Variants in KCNQ1 observed in about 807,000 individuals in gnomAD.
KCNQ1 encodes potassium voltage-gated channel subfamily KQT member 1.
KCNQ1 carries 49 observed loss-of-function variants against 72.4 expected under a neutral mutation model. The observed-to-expected ratio is 0.68, with a 90% CI of 0.54 to 0.86. The LOEUF (loss-of-function observed/expected upper bound fraction) is 0.86. KCNQ1 is among the 40% of genes least tolerant of loss of function. KCNQ1 has a pLI of 0.00. For missense variants in KCNQ1, 790 were observed against 945.1 expected (o/e 0.84, Z 2.15); for synonymous variants, 450 against 412.6 (o/e 1.09, Z -1.10).
intron 2 of KCNQ1, among the ~76,000 whole-genome samples, chr11:2,546,540 G>A (rs1221907148): frequency 6.6e-6 from 1 of 152,006 alleles, no homozygotes; most frequent in African/African-American, 2.4e-5. Context: ...ATTCATTCTT[G>A]GGAGAAGGAT....
chr11:2,841,856 G>GTCTT (rs910974946), intron 15 of KCNQ1, among the ~76,000 whole-genome samples: 3 of 152,182 alleles, frequency 2.0e-5, no homozygotes, highest in Non-Finnish European at 4.4e-5. Flanking sequence ...AGGGGGAAGG[G>GTCTT]TCTTTCTTTC....
chr11:2,498,537 A>G lies in KCNQ1; in HGVS notation c.387-29391A>G, dbSNP rs1224319225. 1.3e-5 allele frequency among the ~76,000 whole-genome samples: 2 copies of G among 152,154 alleles called. No individual in the cohort carries two copies. The highest frequency in any genetic ancestry group is 6.5e-5 in the Admixed American group (1 of 15,282). On this transcript the variant is annotated intron_variant, in intron 1 of 15. Coordinates refer to ENST00000155840, the MANE Select transcript of KCNQ1 (RefSeq NM_000218.3). The surrounding 1 kb of genome is among the most constrained non-coding windows in gnomAD (Gnocchi z 4.8). ...AGTAATACCAAATGCCCCTCCCGCCACCAAGCTTGAGCATCCCAGGTCAAC... is the reference window on the plus strand; with the variant it reads ...AGTAATACCAAATGCCCCTCCCGCCGCCAAGCTTGAGCATCCCAGGTCAAC...
intron 15 of KCNQ1, among the ~76,000 whole-genome samples, chr11:2,805,194 G>A (rs1590100905): frequency 6.6e-6 from 1 of 152,302 alleles, no homozygotes; most frequent in Non-Finnish European, 1.5e-5. Context: ...AGAAGACGCA[G>A]GGGTGGTTCA....
chr11:2,725,476 G>C lies in KCNQ1; in HGVS notation c.1515-43368G>C, dbSNP rs1356667715. 6.6e-6 allele frequency among the ~76,000 whole-genome samples: 1 copy of C among 152,210 alleles called. No homozygotes were observed. Among genetic ancestry groups the C allele is most frequent in the Non-Finnish European group, 1.5e-5 (1 of 68,042 alleles). On this transcript the variant is annotated intron_variant, in intron 11 of 15. Coordinates refer to ENST00000155840, the MANE Select transcript of KCNQ1 (RefSeq NM_000218.3). This position sits in a 1 kb window ranked among gnomAD's most constrained non-coding sequence, Gnocchi z 7.2. ...GGTGACCTGCCATTTGTCCGGTTGG[G>C]GGTCCCCAATCGTCTTCGAGCTACT...
chr11:2,570,081 C>T (rs566952710), intron 2 of KCNQ1, among the ~76,000 whole-genome samples: 11 of 151,632 alleles, frequency 7.3e-5, no homozygotes, highest in African/African-American at 2.2e-4. Context: ...GTGCTTATCA[C>T]GGAGGGCACC....
chr11:2,733,802 A>T lies in KCNQ1; in HGVS notation c.1515-35042A>T, dbSNP rs551546267. Among the ~76,000 whole-genome samples, 565 of 63,842 alleles carry T rather than the reference A, an allele frequency of 8.8e-3. 12 individuals are homozygous for T. The highest frequency in any genetic ancestry group is 0.023 in the East Asian group (81 of 3,582). 41.9% of individuals were successfully genotyped at this position (63,842 alleles called of 152,430 possible). A position where few individuals can be genotyped will look rare whatever the true frequency, so the allele number is the denominator to read the frequency against. On this transcript the variant is annotated intron_variant, in intron 11 of 15. Coordinates refer to ENST00000155840, the MANE Select transcript of KCNQ1 (RefSeq NM_000218.3). ...CACACACACACACACACACACACAC[A>T]CACACACACACACTCTCTCACTCTC...
Position 2,818,169 on chromosome 11 carries a change from C to G in KCNQ1, c.1795-29598C>G, listed in dbSNP as rs1047318681. The stretch of plus-strand genomic sequence containing the variant: ...CTCAGAGTGGGAGCGCGTGCCCCAA[C>G]TTCCGAGCCCTAGGAAAGGGTCTTG... On this transcript the variant is annotated intron_variant, in intron 15 of 15. Transcript: ENST00000155840. The surrounding 1 kb of genome is among the most constrained non-coding windows in gnomAD (Gnocchi z 7.2). 2.0e-5 allele frequency among the ~76,000 whole-genome samples: 3 copies of G among 152,220 alleles called. No homozygotes were observed. The highest frequency in any genetic ancestry group is 7.2e-5 in the African/African-American group (3 of 41,446).
At position 2,804,037 on chromosome 11, in the gene KCNQ1, G is replaced by C. The variant is rs527529716; in HGVS notation, c.1794+26000G>C. On this transcript the variant is annotated intron_variant, in intron 15 of 15. Coordinates refer to ENST00000155840, the MANE Select transcript of KCNQ1 (RefSeq NM_000218.3). Reference sequence around the variant, plus strand: ...GGCAGAGGGGAAAGGACGGGATGGCGGGTGAACCACACGGGGAGGAGCCTG... The same window carrying C: ...GGCAGAGGGGAAAGGACGGGATGGCCGGTGAACCACACGGGGAGGAGCCTG... Among the ~76,000 whole-genome samples, 8 of 152,304 alleles carry C rather than the reference G, an allele frequency of 5.3e-5. No individual in the cohort carries two copies. The East Asian group carries it at 1.5e-3, about 29-fold the overall frequency.
chr11:2,471,316 T>C lies in KCNQ1; in HGVS notation c.386+25832T>C, dbSNP rs534226845. ...GCAGGGCTGTACCCCAAATGCTGCT[T>C]GCTTCTCCCGCCCTCCTCCCTCTCC... is the stretch of plus-strand genomic sequence containing the variant. On this transcript the variant is annotated intron_variant, in intron 1 of 15. Coordinates refer to ENST00000155840, the MANE Select transcript of KCNQ1 (RefSeq NM_000218.3). The surrounding 1 kb of genome is among the most constrained non-coding windows in gnomAD (Gnocchi z 4.8). Among the ~76,000 whole-genome samples the C allele has an allele frequency of 3.9e-4, 59 of 152,170 alleles. No individual in the cohort carries two copies. The highest frequency in any genetic ancestry group is 8.7e-4 in the Non-Finnish European group (59 of 68,028).
intron 7 of KCNQ1, among the ~76,000 whole-genome samples, chr11:2,584,484 T>C (rs1427906683): frequency 1.3e-5 from 2 of 150,460 alleles, no homozygotes; most frequent in Admixed American, 6.6e-5. Flanking sequence ...TTAGTGTTAG[T>C]GTGTGTTAGT....
chr11:2,816,862 A>C lies in KCNQ1; in HGVS notation c.1795-30905A>C, dbSNP rs1159923249. On this transcript the variant is annotated intron_variant, in intron 15 of 15. Transcript: ENST00000155840. The surrounding 1 kb of genome is among the most constrained non-coding windows in gnomAD (Gnocchi z 6.8). ...TGATGTCTGAGCCCTGAACAGACAC[A>C]GGTGTCTGTTCAGGGCTCCTCAAAT... 6.6e-6 allele frequency among the ~76,000 whole-genome samples: 1 copy of C among 151,778 alleles called. No individual in the cohort carries two copies. Among genetic ancestry groups the C allele is most frequent in the Non-Finnish European group, 1.5e-5 (1 of 67,860 alleles).
intron 15 of KCNQ1, among the ~76,000 whole-genome samples, chr11:2,801,775 GA>G (rs1847271292): frequency 6.6e-6 from 1 of 152,236 alleles, no homozygotes; most frequent in African/African-American, 2.4e-5. Flanking sequence ...GGAAGTGAGG[GA>G]GGGGAGAGCT....
rs1377570543 is a variant in KCNQ1 at position 2,462,718 on chromosome 11, G to A, written c.386+17234G>A. ...AGGACTGAGGGGAGGGGGCGGTGGAGTGAAGGGGAGGGTGGGCGCTGCTGG... is the reference window on the plus strand; with the variant it reads ...AGGACTGAGGGGAGGGGGCGGTGGAATGAAGGGGAGGGTGGGCGCTGCTGG... On this transcript the variant is annotated intron_variant, in intron 1 of 15. Coordinates refer to ENST00000155840, the MANE Select transcript of KCNQ1 (RefSeq NM_000218.3). The surrounding 1 kb of genome is among the most constrained non-coding windows in gnomAD (Gnocchi z 8.2). 6.6e-6 allele frequency among the ~76,000 whole-genome samples: 1 copy of A among 152,060 alleles called. No homozygotes were observed. Among genetic ancestry groups the A allele is most frequent in the Admixed American group, 6.5e-5 (1 of 15,274 alleles).
At position 2,691,303 on chromosome 11, in the gene KCNQ1, G is replaced by A. The variant is rs1188820457; in HGVS notation, c.1514+29222G>A. ...GAAGGAGAGCTGACAAGAAAAAGGC[G>A]ATGTCTCACCCCTGAGCTACAATCC... is the stretch of plus-strand genomic sequence containing the variant. On this transcript the variant is annotated intron_variant, in intron 11 of 15. Transcript: ENST00000155840. The surrounding 1 kb of genome is among the most constrained non-coding windows in gnomAD (Gnocchi z 6.4). 1.0e-5 allele frequency: 4 copies of A among 398,482 alleles called. No individual in the cohort carries two copies. The highest frequency in any genetic ancestry group is 6.2e-4 in the Middle Eastern group (1 of 1,610). 24.7% of individuals were successfully genotyped at this position (398,482 alleles called of 1,614,324 possible).
In KCNQ1 at chr11:2,691,913, TCTC is replaced by T; in HGVS notation, c.1514+29835_1514+29837del. On this transcript the variant is annotated intron_variant, in intron 11 of 15. Transcript: ENST00000155840. This position sits in a 1 kb window ranked among gnomAD's most constrained non-coding sequence, Gnocchi z 6.4. ...GCCATCTTTCTGGCTCTATCCTCAG[TCTC>T]CTTGGCAGGTTTTCCCTTCTGGCAT... 2.5e-6 allele frequency: 1 copy of T among 398,692 alleles called. No individual in the cohort carries two copies. The highest frequency in any genetic ancestry group is 4.4e-6 in the Non-Finnish European group (1 of 226,186). 24.7% of individuals were successfully genotyped at this position (398,692 alleles called of 1,614,324 possible). A position where few individuals can be genotyped will look rare whatever the true frequency, so the allele number is the denominator to read the frequency against.
chr11:2,553,323 AG>A (rs1232137975), intron 2 of KCNQ1, among the ~76,000 whole-genome samples: 1 of 151,926 alleles, frequency 6.6e-6, no homozygotes, highest in Non-Finnish European at 1.5e-5. Context: ...CAGTGGGGAG[AG>A]GGCTGCTATC....
rs576189460 is a variant in KCNQ1 at position 2,724,247 on chromosome 11, C to T, written c.1515-44597C>T. On this transcript the variant is annotated intron_variant, in intron 11 of 15. Coordinates refer to ENST00000155840, the MANE Select transcript of KCNQ1 (RefSeq NM_000218.3). This position sits in a 1 kb window ranked among gnomAD's most constrained non-coding sequence, Gnocchi z 6.8. The stretch of plus-strand genomic sequence containing the variant: ...CTCCTCCCGGCTCAGGACCCCTTTG[C>T]GGTGTCACCTTTCGGCATGTAACCA... Among the ~76,000 whole-genome samples, 2 of 152,338 alleles carry T rather than the reference C, an allele frequency of 1.3e-5. No individual in the cohort carries two copies. Among genetic ancestry groups the T allele is most frequent in the African/African-American group, 2.4e-5 (1 of 41,568 alleles).
intron 1 of KCNQ1, among the ~76,000 whole-genome samples, chr11:2,521,190 C>G (rs1847376067): frequency 6.6e-6 from 1 of 152,156 alleles, no homozygotes; most frequent in African/African-American, 2.4e-5. Flanking sequence ...CTCTCCCAAA[C>G]TGAAATTCTG....
rs1282389456 is a variant in KCNQ1 at position 2,728,388 on chromosome 11, A to G, written c.1515-40456A>G. ...GGGGACCACAGCCGGCTGAACGCCA[A>G]CTGGTTAGCTGCTTTTTCTATAGGA... On this transcript the variant is annotated intron_variant, in intron 11 of 15. Transcript: ENST00000155840. Among the ~76,000 whole-genome samples the G allele has an allele frequency of 5.3e-5, 8 of 152,318 alleles. No homozygotes were observed. In the East Asian group the frequency reaches 1.2e-3, roughly 22 times the overall value.
Sources: allele counts gnomAD v4.1 joint callset (sites outside exome capture counted in the v4.1 genomes callset), GRCh38; gene constraint gnomAD v4.1.1; non-coding constraint Gnocchi (gnomAD v3.1); transcripts MANE v1.5; gene names NCBI Gene and HGNC (gene_info 2026-07-23, HGNC 2026-07-21).